MAP7: variants seen among roughly 807,000 people sequenced by gnomAD.
The protein encoded by MAP7 is microtubule associated protein 7.
Under a neutral mutation model 94.8 loss-of-function variants are expected in MAP7, and 52 were observed. The ratio of observed to expected loss-of-function variants is 0.55; its 90% CI spans 0.44 to 0.69. MAP7 has a LOEUF of 0.69. Ranked by LOEUF, MAP7 falls within the 30% of genes least tolerant of loss-of-function variation. The pLI is 0.00. For synonymous variants in MAP7, 350 were observed against 357.0 expected, an observed-to-expected ratio of 0.98 and a Z score of 0.22; for missense variants, 940 against 964.6, an observed-to-expected ratio of 0.97 and a Z score of 0.34.
At chr6:136,456,769 A>AGG (rs1241980478) in intron 1 of MAP7, among the ~76,000 whole-genome samples, 621 of 56,948 alleles carry the variant, frequency 0.011, no homozygotes, top group Non-Finnish European at 0.015. Flanking sequence ...GAGGAGGAGG[A>AGG]AGAAGAAGAA....
intron 8 of MAP7, among the ~76,000 whole-genome samples, chr6:136,371,458 A>G (rs965876262): frequency 6.6e-6 from 1 of 152,240 alleles, no homozygotes; most frequent in Non-Finnish European, 1.5e-5. Flanking sequence ...GCCTGACTCA[A>G]TCATGAATCA....
chr6:136,458,066 A>G (rs1385978203), intron 1 of MAP7, among the ~76,000 whole-genome samples: 2 of 152,226 alleles, frequency 1.3e-5, no homozygotes, highest in African/African-American at 4.8e-5. Flanking sequence ...GTTAGGACTA[A>G]TAAAGGAATT....
At chr6:136,427,233 C>T (rs1793442890) in intron 1 of MAP7, among the ~76,000 whole-genome samples, 2 of 152,220 alleles carry the variant, frequency 1.3e-5, no homozygotes, top group South Asian at 4.1e-4. Context: ...AATGGGACTC[C>T]AGCCACAAAC....
At chr6:136,455,952 A>C (rs1426292831) in intron 1 of MAP7, among the ~76,000 whole-genome samples, 1 of 152,208 alleles carries the variant, frequency 6.6e-6, no homozygotes, top group Non-Finnish European at 1.5e-5. Flanking sequence ...CATCAACTTA[A>C]ATGTGCATAC....
At chr6:136,389,903 T>G (rs1475055486) in intron 3 of MAP7, among the ~76,000 whole-genome samples, 2 of 152,162 alleles carry the variant, frequency 1.3e-5, no homozygotes. Flanking sequence ...TATGACTACA[T>G]TTTTTCCAAC....
At chr6:136,547,632 AG>A (rs1211309821) in intron 1 of MAP7, among the ~76,000 whole-genome samples, 2 of 152,336 alleles carry the variant, frequency 1.3e-5, no homozygotes, top group African/African-American at 4.8e-5. Context: ...TTATATTGGA[AG>A]AACTTTTCAT....
In MAP7 at chr6:136,361,173, C is replaced by T. The variant is rs1369928094; in HGVS notation, c.1533G>A (p.Lys511=). 1 of 1,602,702 alleles carries T rather than the reference C, an allele frequency of 6.2e-7. No individual in the cohort carries two copies. The highest frequency in any genetic ancestry group is 2.2e-5 in the East Asian group (1 of 44,874). ...CCACACGTTGAGCCAATTCCTCTCT[C>T]TTTTGTCTGGAAAAAGACAGAACAA... ...RREQEELERQ[K]REELAQRVAE... Residue 511 remains lysine (K), a synonymous_variant, in exon 12 of 18, where the codon AAG becomes AAA. Transcript: ENST00000354570.
chr6:136,473,341 C>CTA (rs1466661105), intron 1 of MAP7, among the ~76,000 whole-genome samples: 1 of 152,204 alleles, frequency 6.6e-6, no homozygotes, highest in African/African-American at 2.4e-5. Context: ...CTGCAATGGC[C>CTA]TACCCTCCAG....
At chr6:136,481,690 C>T (rs1812897999) in intron 1 of MAP7, among the ~76,000 whole-genome samples, 1 of 152,062 alleles carries the variant, frequency 6.6e-6, no homozygotes, top group African/African-American at 2.4e-5. Flanking sequence ...AATAAGATCT[C>T]ATATTTGATA....
At chr6:136,403,979 G>A (rs936504288) in intron 3 of MAP7, among the ~76,000 whole-genome samples, 1 of 152,150 alleles carries the variant, frequency 6.6e-6, no homozygotes, top group African/African-American at 2.4e-5. Context: ...GCTGAGACTG[G>A]TAACAGATAT....
At chr6:136,456,822 G>GGAA (rs56284655) in intron 1 of MAP7, among the ~76,000 whole-genome samples, 52 of 68,996 alleles carry the variant, frequency 7.5e-4, no homozygotes, top group South Asian at 2.6e-3. Context: ...AGAAGAAGAA[G>GGAA]GAAGAAGAAG....
chr6:136,406,550 G>A (rs1582818063), intron 3 of MAP7, among the ~76,000 whole-genome samples: 1 of 152,136 alleles, frequency 6.6e-6, no homozygotes, highest in African/African-American at 2.4e-5. Flanking sequence ...GCTGGGTGTG[G>A]TGGCTCACGT....
At chr6:136,422,900 G>A (rs566138307) in intron 1 of MAP7, among the ~76,000 whole-genome samples, 1 of 152,234 alleles carries the variant, frequency 6.6e-6, no homozygotes, top group African/African-American at 2.4e-5. Context: ...CTTCTTTGGT[G>A]AACATTGTAA....
At chr6:136,405,374 T>G (rs1785279528) in intron 3 of MAP7, among the ~76,000 whole-genome samples, 1 of 152,112 alleles carries the variant, frequency 6.6e-6, no homozygotes, top group Non-Finnish European at 1.5e-5. Context: ...AGTAAGATGG[T>G]AGGAGAAGGC....
intron 10 of MAP7, chr6:136,365,030 C>T (rs1793900603): frequency 6.6e-6 from 1 of 152,262 alleles, no homozygotes; most frequent in South Asian, 2.1e-4. Context: ...GCTCTGAACA[C>T]ATTTTGTGAA....
At chr6:136,498,466 A>G (rs1483944372) in intron 1 of MAP7, among the ~76,000 whole-genome samples, 1 of 152,096 alleles carries the variant, frequency 6.6e-6, no homozygotes, top group East Asian at 1.9e-4. Flanking sequence ...ACTTTGGACA[A>G]GACAGTGCAG....
At chr6:136,435,611 G>A (rs1375507015) in intron 1 of MAP7, among the ~76,000 whole-genome samples, 1 of 152,116 alleles carries the variant, frequency 6.6e-6, no homozygotes, top group Non-Finnish European at 1.5e-5. Context: ...GTTATCCTAT[G>A]TCCTTTATTT....
intron 3 of MAP7, among the ~76,000 whole-genome samples, chr6:136,398,112 C>T (rs775193711): frequency 3.9e-5 from 6 of 152,100 alleles, no homozygotes; most frequent in Non-Finnish European, 7.4e-5. Flanking sequence ...TCAATCTAGA[C>T]TCCATGTAGA....
At chr6:136,477,137 G>C (rs1203684167) in intron 1 of MAP7, among the ~76,000 whole-genome samples, 1 of 152,202 alleles carries the variant, frequency 6.6e-6, no homozygotes, top group Non-Finnish European at 1.5e-5. Context: ...AAACTTAGCA[G>C]ATACCACCTC....
Sources: gnomAD v4.1 joint callset for allele counts (sites outside exome capture counted in the v4.1 genomes callset) on GRCh38, gnomAD v4.1.1 for gene constraint, MANE v1.5 for transcripts, NCBI Gene and HGNC (gene_info 2026-07-23, HGNC 2026-07-21) for gene names.